The following SDHA variants were observed in gnomAD, a reference collection of about 807,000 sequenced individuals.
SDHA encodes the protein succinate dehydrogenase complex flavoprotein subunit A, also known as succinate dehydrogenase [ubiquinone] flavoprotein subunit, mitochondrial.
Under a neutral mutation model 78.4 loss-of-function variants are expected in SDHA, and 48 were observed. The observed-to-expected ratio is 0.61, with a 90% CI of 0.49 to 0.78. The LOEUF is 0.78. Ranked by LOEUF, SDHA falls within the 30% of genes least tolerant of loss-of-function variation. The probability of loss-of-function intolerance (pLI) is 0.00; values close to 1 mark genes in which losing one functional copy is unlikely to be tolerated. For synonymous variants in SDHA, 326 were observed against 353.9 expected (o/e 0.92, Z 0.88); for missense variants, 680 against 892.7 (o/e 0.76, Z 3.04).
intron 3 of SDHA, among the ~76,000 whole-genome samples, chr5:225,034 G>A (rs1490609528): frequency 1.3e-5 from 2 of 152,164 alleles, no homozygotes; most frequent in Non-Finnish European, 2.9e-5. Context: ...ACACATGCCC[G>A]TAAATGCCAT....
At chr5:238,742 T>C (rs1735943931) in intron 10 of SDHA, among the ~76,000 whole-genome samples, 1 of 152,156 alleles carries the variant, frequency 6.6e-6, no homozygotes, top group Non-Finnish European at 1.5e-5. Context: ...GCAGATTGCT[T>C]GAGCTCAGGA....
intron 11 of SDHA, among the ~76,000 whole-genome samples, chr5:244,475 G>A (rs139886288): frequency 0.24 from 36,118 of 151,460 alleles, 6,601 homozygotes; most frequent in African/African-American, 0.52. Flanking sequence ...TGGAAATGGG[G>A]AAAAGTGAAA....
intron 1 of SDHA, among the ~76,000 whole-genome samples, chr5:220,882 G>A (rs1433859177): frequency 1.3e-5 from 2 of 149,354 alleles, no homozygotes; most frequent in Admixed American, 6.7e-5. Flanking sequence ...GCGCAATCTC[G>A]GCTCACTGCA....
chr5:234,432 A>C (rs1435402571), intron 8 of SDHA: 1 of 146,736 alleles, frequency 6.8e-6, no homozygotes, highest in East Asian at 1.9e-4. Flanking sequence ...AAAAAAAAAA[A>C]AAAAAAAAAA....
chr5:234,013 A>T (rs1041793244), intron 8 of SDHA: 1 of 305,586 alleles, frequency 3.3e-6, no homozygotes, highest in East Asian at 7.9e-5. Context: ...TTTGGCTTTC[A>T]GTAAAACAGT....
At position 227,551 on chromosome 5, in the gene SDHA, G is replaced by A. The variant is rs539748439; in HGVS notation, c.622-634G>A. On this transcript the variant is annotated intron_variant, in intron 5 of 14. Transcript: ENST00000264932. Reference sequence around the variant, plus strand: ...TGCATCGACAAGTGTGTGGTGGGAGGAGACCGCGGCTCCATCTGGAGCAGG... The same window carrying A: ...TGCATCGACAAGTGTGTGGTGGGAGAAGACCGCGGCTCCATCTGGAGCAGG... 61 of 164,148 alleles carry A rather than the reference G, an allele frequency of 3.7e-4. 1 individual carries two copies. The East Asian group carries it at 0.011, about 28-fold the overall frequency. The allele number at this position is 164,148 out of a possible 1,614,324, so 10.2% of individuals were successfully genotyped here. A position where few individuals can be genotyped will look rare whatever the true frequency, so the allele number is the denominator to read the frequency against.
intron 10 of SDHA, 151 bp downstream of exon 10, chr5:236,750 C>T (rs1735814133): frequency 7.9e-6 from 6 of 756,494 alleles, no homozygotes; most frequent in Non-Finnish European, 1.4e-5. Flanking sequence ...CAGTCTTCAA[C>T]ACCTCAACCT....
chr5:219,534 CGTT>C (rs373120411), intron 1 of SDHA, among the ~76,000 whole-genome samples: 88 of 152,284 alleles, frequency 5.8e-4, no homozygotes, highest in African/African-American at 2.1e-3. Flanking sequence ...TTAAAAATCT[CGTT>C]GAGTTAAATG....
chr5:255,074 G>C (rs1383124701), intron 14 of SDHA, among the ~76,000 whole-genome samples: 2 of 126,978 alleles, frequency 1.6e-5, no homozygotes, highest in East Asian at 2.0e-4. Context: ...GGTGTGGTAG[G>C]GGGTCGCAGC....
downstream of SDHA, among the ~76,000 whole-genome samples, chr5:259,949 C>T (rs1479641118): frequency 4.5e-5 from 2 of 44,548 alleles, no homozygotes; most frequent in African/African-American, 3.3e-4. Flanking sequence ...CTCCGCCTCC[C>T]GCCAGAGCAT....
chr5:253,931 C>T (rs1737015380), intron 13 of SDHA, among the ~76,000 whole-genome samples: 1 of 152,014 alleles, frequency 6.6e-6, no homozygotes, highest in South Asian at 2.1e-4. Flanking sequence ...GTGGTGGTAG[C>T]ACAGGAGGCT....
At chr5:223,899 A>G (rs543997226) in intron 2 of SDHA, among the ~76,000 whole-genome samples, 1 of 152,302 alleles carries the variant, frequency 6.6e-6, no homozygotes, top group South Asian at 2.1e-4. Flanking sequence ...GGGGCCAGTG[A>G]ACAGTATCTG....
At chr5:266,127 C>T in the SDHA span, among the ~76,000 whole-genome samples, 3 of 152,230 alleles carry the variant, frequency 2.0e-5, no homozygotes, top group Non-Finnish European at 2.9e-5. Context: ...AGTTTGAAAA[C>T]CTCCACAGCT....
intron 9 of SDHA, 132 bp downstream of exon 9, chr5:235,471 G>C: frequency 1.1e-6 from 1 of 912,362 alleles, no homozygotes; most frequent in Non-Finnish European, 1.8e-6. Flanking sequence ...TTGTTTTCTA[G>C]ATTGCACTTT....
the SDHA span, among the ~76,000 whole-genome samples, chr5:262,978 T>C: frequency 1.9e-4 from 29 of 152,360 alleles, no homozygotes; most frequent in South Asian, 8.3e-4. Context: ...CTTGCCATGC[T>C]GCCCAGGCTG....
chr5:247,968 A>G (rs1736571449), intron 11 of SDHA, among the ~76,000 whole-genome samples: 1 of 150,802 alleles, frequency 6.6e-6, no homozygotes, highest in African/African-American at 2.5e-5. Context: ...GGACTACGGG[A>G]CACCCCATAT....
chr5:234,719 C>T (rs1735655099), intron 8 of SDHA: 3 of 275,630 alleles, frequency 1.1e-5, no homozygotes, highest in South Asian at 8.2e-5. Context: ...GGAGGATGTG[C>T]ATAGGTTATA....
At chr5:222,664 T>A (rs545277326) in intron 1 of SDHA, among the ~76,000 whole-genome samples, 1 of 152,264 alleles carries the variant, frequency 6.6e-6, no homozygotes, top group African/African-American at 2.4e-5. Flanking sequence ...TGATGATATT[T>A]CTGAGACTAT....
intron 14 of SDHA, among the ~76,000 whole-genome samples, chr5:255,650 C>G (rs1262216232): frequency 3.9e-5 from 6 of 152,004 alleles, no homozygotes; most frequent in Non-Finnish European, 1.5e-5. Flanking sequence ...TCCACGTTGC[C>G]CAGGCTAGTC....
Sources: gnomAD v4.1 joint callset for allele counts (sites outside exome capture counted in the v4.1 genomes callset) on GRCh38, gnomAD v4.1.1 for gene constraint, MANE v1.5 for transcripts, NCBI Gene and HGNC (gene_info 2026-07-23, HGNC 2026-07-21) for gene names.